The following MEIS2 variants were observed in gnomAD, a reference collection of about 807,000 sequenced individuals.
MEIS2 encodes the protein homeobox protein Meis2.
MEIS2 carries 9 observed loss-of-function variants against 58.6 expected under a neutral mutation model. That is an observed-to-expected ratio of 0.15 (90% CI 0.09 to 0.27). MEIS2 has a LOEUF of 0.27. Ranked by LOEUF, MEIS2 falls within the 10% of genes least tolerant of loss-of-function variation. The probability of loss-of-function intolerance (pLI) is 1.00; values close to 1 mark genes in which losing one functional copy is unlikely to be tolerated. For missense variants in MEIS2, 427 were observed against 635.0 expected (o/e 0.67, Z 3.52); for synonymous variants, 221 against 228.4 (o/e 0.97, Z 0.29).
intron 8 of MEIS2, among the ~76,000 whole-genome samples, chr15:37,000,483 G>A (rs2060681955): frequency 6.6e-6 from 1 of 151,980 alleles, no homozygotes; most frequent in African/African-American, 2.4e-5. Context: ...GTTTCCCAAG[G>A]AGCAAACCCC....
chr15:37,003,340 AAAC>A (rs35132063), intron 8 of MEIS2, among the ~76,000 whole-genome samples: 3 of 151,256 alleles, frequency 2.0e-5, no homozygotes. Flanking sequence ...CTTCCAGGGT[AAAC>A]AACAACAACA....
At chr15:37,091,238 A>T (rs904408616) in intron 6 of MEIS2, among the ~76,000 whole-genome samples, 2 of 152,168 alleles carry the variant, frequency 1.3e-5, no homozygotes, top group African/African-American at 4.8e-5. Flanking sequence ...GGACATGAAT[A>T]CAATCAATAC....
At chr15:37,098,903 G>C (rs1894740530) in intron 1 of MEIS2, 2 of 985,544 alleles carry the variant, frequency 2.0e-6, no homozygotes. Context: ...AAAGTTACCA[G>C]AAACATTATT....
chr15:37,053,895 C>T (rs911214917), intron 7 of MEIS2, among the ~76,000 whole-genome samples: 4 of 152,106 alleles, frequency 2.6e-5, no homozygotes, highest in Middle Eastern at 3.4e-3. Flanking sequence ...GATAAAAATG[C>T]CTCATATCTA....
At chr15:37,080,235 T>G (rs1294897572) in intron 7 of MEIS2, among the ~76,000 whole-genome samples, 1 of 152,110 alleles carries the variant, frequency 6.6e-6, no homozygotes, top group Non-Finnish European at 1.5e-5. Context: ...CATACCATTG[T>G]TCAAACCAGG....
chr15:36,941,914 T>A (rs1399618239), intron 9 of MEIS2, among the ~76,000 whole-genome samples: 1 of 152,148 alleles, frequency 6.6e-6, no homozygotes, highest in East Asian at 1.9e-4. Context: ...ACTCCTTGAG[T>A]AATTACTGCT....
chr15:36,981,417 A>AT (rs891406406), intron 8 of MEIS2, among the ~76,000 whole-genome samples: 5 of 151,118 alleles, frequency 3.3e-5, no homozygotes, highest in Admixed American at 6.6e-5. Context: ...TTTATTTTTT[A>AT]TTTTTTTCCT....
chr15:36,924,255 A>C (rs1164273796), intron 9 of MEIS2, among the ~76,000 whole-genome samples: 8 of 152,206 alleles, frequency 5.3e-5, no homozygotes, highest in Admixed American at 5.2e-4. Flanking sequence ...ATGGCTGCCA[A>C]CTACCACAGA....
chr15:36,981,282 C>G (rs2059920461), intron 8 of MEIS2, among the ~76,000 whole-genome samples: 1 of 151,968 alleles, frequency 6.6e-6, no homozygotes, highest in South Asian at 2.1e-4. Flanking sequence ...ACCTAATAAA[C>G]TCATTGTTTT....
intron 9 of MEIS2, among the ~76,000 whole-genome samples, chr15:36,916,493 G>A (rs1037435375): frequency 6.6e-6 from 1 of 150,642 alleles, no homozygotes; most frequent in African/African-American, 2.4e-5. Context: ...GTGCAGTGGT[G>A]TGATCATAGC....
At chr15:37,063,998 C>G (rs1239469690) in intron 7 of MEIS2, among the ~76,000 whole-genome samples, 1 of 151,944 alleles carries the variant, frequency 6.6e-6, no homozygotes, top group East Asian at 1.9e-4. Context: ...TTTTTTTGTC[C>G]CATATATGAA....
chr15:37,015,099 G>C (rs1042999190), intron 8 of MEIS2, among the ~76,000 whole-genome samples: 6 of 152,238 alleles, frequency 3.9e-5, no homozygotes, highest in Admixed American at 6.5e-5. Context: ...ATATTTAGCG[G>C]AACGCTATGC....
chr15:36,908,545 T>G (rs538636477), intron 9 of MEIS2, among the ~76,000 whole-genome samples: 1 of 152,316 alleles, frequency 6.6e-6, no homozygotes, highest in South Asian at 2.1e-4. Context: ...TATTCAGATT[T>G]CACATCTCCT....
intron 8 of MEIS2, among the ~76,000 whole-genome samples, chr15:36,968,406 G>A (rs972852574): frequency 6.6e-6 from 1 of 152,152 alleles, no homozygotes; most frequent in Non-Finnish European, 1.5e-5. Context: ...CTAATGGCAG[G>A]CAAGTTTCTT....
At chr15:36,960,643 G>A (rs1174414458) in intron 8 of MEIS2, among the ~76,000 whole-genome samples, 1 of 152,112 alleles carries the variant, frequency 6.6e-6, no homozygotes, top group Non-Finnish European at 1.5e-5. Context: ...TACACAGAGA[G>A]CTTCTTTCTG....
intron 7 of MEIS2, among the ~76,000 whole-genome samples, chr15:37,062,515 G>A (rs982049774): frequency 3.9e-5 from 6 of 152,166 alleles, no homozygotes; most frequent in South Asian, 2.1e-4. Flanking sequence ...CAAAGAAGAC[G>A]GAAACGTACA....
rs540681535 is a variant in MEIS2, at chr15:37,026,864, C to T, written c.900+9950G>A. ...CTATAGTTTAAGAAAAATTATCTGCCATTATATTGTGACTTGACAACTTAT... is the reference window on the plus strand; with the variant it reads ...CTATAGTTTAAGAAAAATTATCTGCTATTATATTGTGACTTGACAACTTAT... On this transcript the variant is annotated intron_variant, in intron 8 of 11. Transcript: ENST00000561208. Among the ~76,000 whole-genome samples, 4 of 152,168 alleles carry T rather than the reference C, an allele frequency of 2.6e-5. No individual in the cohort carries two copies. In the East Asian group the frequency reaches 7.7e-4, roughly 29 times the overall value.
chr15:37,071,317 G>A (rs933565823), intron 7 of MEIS2, among the ~76,000 whole-genome samples: 1 of 152,038 alleles, frequency 6.6e-6, no homozygotes, highest in African/African-American at 2.4e-5. Context: ...TCGTGTGTCC[G>A]AAATGTGTAA....
At chr15:36,911,939 C>T (rs2057046710) in intron 9 of MEIS2, among the ~76,000 whole-genome samples, 1 of 152,170 alleles carries the variant, frequency 6.6e-6, no homozygotes, top group African/African-American at 2.4e-5. Flanking sequence ...TGGGCTTTTC[C>T]TTCTGTTTAA....
Sources: allele counts gnomAD v4.1 joint callset (sites outside exome capture counted in the v4.1 genomes callset), GRCh38; gene constraint gnomAD v4.1.1; transcripts MANE v1.5; gene names NCBI Gene and HGNC (gene_info 2026-07-23, HGNC 2026-07-21).